Variants in SMG6 observed in about 807,000 individuals in gnomAD.
SMG6 encodes the protein SMG6 nonsense mediated mRNA decay factor, also known as telomerase-binding protein EST1A.
In SMG6, 66 loss-of-function variants were observed where a neutral mutation model predicts 142.2. That is an observed-to-expected ratio of 0.46 (90% CI 0.38 to 0.57). The LOEUF (loss-of-function observed/expected upper bound fraction) is 0.57, where lower values mean the gene tolerates loss of function less well. Among genes scored for constraint, SMG6 ranks in the 20% least tolerant of loss-of-function variants. SMG6 has a pLI of 0.00. For synonymous variants in SMG6, 779 were observed against 702.4 expected (o/e 1.11, Z -1.72); for missense variants, 1,793 against 1,832.0 (o/e 0.98, Z 0.39).
chr17:2,120,424 A>AT (rs2151516399), intron 13 of SMG6, among the ~76,000 whole-genome samples: 1 of 152,370 alleles, frequency 6.6e-6, no homozygotes, highest in South Asian at 2.1e-4. Context: ...GTCAGTAAGC[A>AT]TATGAAAAAG....
intron 10 of SMG6, among the ~76,000 whole-genome samples, chr17:2,234,855 C>T (rs1380904777): frequency 2.0e-5 from 3 of 152,162 alleles, no homozygotes; most frequent in Non-Finnish European, 4.4e-5. Flanking sequence ...TACAGGTGCC[C>T]ACCACCAAGC....
At chr17:2,152,365 C>T (rs76548545) in intron 13 of SMG6, among the ~76,000 whole-genome samples, 3 of 152,336 alleles carry the variant, frequency 2.0e-5, no homozygotes, top group Non-Finnish European at 4.4e-5. Flanking sequence ...GTGAACCCTT[C>T]AGCTCTCAGC....
At chr17:2,074,474 G>T (rs1310808498) in intron 15 of SMG6, among the ~76,000 whole-genome samples, 1 of 152,160 alleles carries the variant, frequency 6.6e-6, no homozygotes, top group East Asian at 1.9e-4. Context: ...TTCATTTGGG[G>T]TACACTGCAA....
chr17:2,152,069 C>A (rs1462132102), intron 13 of SMG6, among the ~76,000 whole-genome samples: 1 of 152,212 alleles, frequency 6.6e-6, no homozygotes, highest in African/African-American at 2.4e-5. Context: ...CCTGACCTCT[C>A]GGGTATTCTG....
intron 18 of SMG6, chr17:2,062,215 CCTG>C (rs1244442332): frequency 6.6e-6 from 1 of 152,578 alleles, no homozygotes; most frequent in African/African-American, 2.4e-5. Flanking sequence ...ACCGGTCGCC[CCTG>C]CTAAGTAACA....
intron 15 of SMG6, among the ~76,000 whole-genome samples, chr17:2,080,874 A>C (rs1843515625): frequency 6.6e-6 from 1 of 152,090 alleles, no homozygotes; most frequent in South Asian, 2.1e-4. Flanking sequence ...TGACCTCATG[A>C]TCCGCCCGCC....
intron 8 of SMG6, chr17:2,266,184 A>C (rs2151345528): frequency 1.0e-6 from 1 of 985,378 alleles, no homozygotes; most frequent in African/African-American, 1.7e-5. Context: ...GGAAATTCTG[A>C]CGGGTATCTG....
At chr17:2,252,991 T>C (rs216224) in intron 8 of SMG6, among the ~76,000 whole-genome samples, 40,971 of 151,912 alleles carry the variant, frequency 0.27, 5,996 homozygotes, top group East Asian at 0.58. Context: ...TTTCCATAAA[T>C]AAAATTCTGT....
At chr17:2,296,497 A>G (rs1383879066) in intron 4 of SMG6, among the ~76,000 whole-genome samples, 3 of 152,186 alleles carry the variant, frequency 2.0e-5, no homozygotes, top group African/African-American at 7.2e-5. Context: ...CTCTGGTCTG[A>G]GCGGTGGGCA....
In SMG6 at chr17:2,236,701, T is replaced by TCTCTCACA. The variant is rs1161732926; in HGVS notation, c.2724-65_2724-64insTGTGAGAG. ...CTTTCAGTCTCTCTCTCACTCTGTC[T>TCTCTCACA]CACACACACACACACACACACACAC... On this transcript the variant is annotated intron_variant, in intron 9 of 18. Transcript: ENST00000263073. 51 of 959,038 alleles carry TCTCTCACA rather than the reference T, an allele frequency of 5.3e-5. No homozygotes were observed. In the African/African-American group the frequency reaches 8.6e-4, roughly 16 times the overall value. The allele number at this position is 959,038 out of a possible 1,614,324, so 59.4% of individuals were successfully genotyped here.
chr17:2,228,959 G>A (rs904312766), intron 10 of SMG6, among the ~76,000 whole-genome samples: 6 of 151,844 alleles, frequency 4.0e-5, no homozygotes, highest in African/African-American at 1.2e-4. Context: ...TTCCCCCCAG[G>A]CCACAAAAAG....
chr17:2,256,365 C>T (rs2151324250), intron 8 of SMG6, among the ~76,000 whole-genome samples: 1 of 152,178 alleles, frequency 6.6e-6, no homozygotes, highest in South Asian at 2.1e-4. Context: ...TGTCATTCCA[C>T]ACTTGGACAA....
Position 2,282,875 on chromosome 17 carries a change from A to T in SMG6, c.2449-16T>A. ...TCTGTTCTGCCTATATAACATACAA[A>T]CACATTAGCTCATGGCCTGGTGTGG... On this transcript the variant is annotated splice_polypyrimidine_tract_variant and intron_variant, in intron 7 of 18. Coordinates refer to ENST00000263073, the MANE Select transcript of SMG6 (RefSeq NM_017575.5). 6.2e-7 allele frequency: 1 copy of T among 1,613,028 alleles called. No individual in the cohort carries two copies. Among genetic ancestry groups the T allele is most frequent in the Non-Finnish European group, 8.5e-7 (1 of 1,179,100 alleles).
chr17:2,140,218 A>G (rs115456319), intron 13 of SMG6, among the ~76,000 whole-genome samples: 5,234 of 152,104 alleles, frequency 0.034, 268 homozygotes, highest in African/African-American at 0.12. Context: ...ATGTGCAACC[A>G]TGCCCAACTA....
chr17:2,262,413 G>A lies in SMG6; in HGVS notation c.2662-17694C>T, dbSNP rs2151336225. Among the ~76,000 whole-genome samples, 4 of 152,316 alleles carry A rather than the reference G, an allele frequency of 2.6e-5. No homozygotes were observed. In the Middle Eastern group the frequency reaches 0.014, roughly 518 times the overall value. On this transcript the variant is annotated intron_variant, in intron 8 of 18. Coordinates refer to ENST00000263073, the MANE Select transcript of SMG6 (RefSeq NM_017575.5). ...TTGTGATGAATCTTCAGTTCCAACT[G>A]AGTGATCAGACAGCACCAATGTGGA... is the stretch of plus-strand genomic sequence containing the variant.
chr17:2,233,984 C>T (rs1222806736), intron 10 of SMG6, among the ~76,000 whole-genome samples: 3 of 152,202 alleles, frequency 2.0e-5, no homozygotes, highest in Non-Finnish European at 2.9e-5. Context: ...AGCCTCTGAA[C>T]ACCTCAACCC....
At chr17:2,151,678 T>C (rs2070829544) in intron 13 of SMG6, among the ~76,000 whole-genome samples, 2 of 152,232 alleles carry the variant, frequency 1.3e-5, no homozygotes, top group Non-Finnish European at 1.5e-5. Context: ...GGATCAGCAA[T>C]TAAAAAGTGA....
rs2067767895 is a variant in SMG6 at position 2,061,344 on chromosome 17, A to G, written c.*148T>C. On this transcript the variant is annotated 3_prime_UTR_variant, in exon 19 of 19. Transcript: ENST00000263073. ...GCTCTGTGAGGAGCAGGTCCCCCAC[A>G]GCATGGCCGTGGCGTGGGTTGGAAG... 4 of 775,172 alleles carry G rather than the reference A, an allele frequency of 5.2e-6. No homozygotes were observed. The highest frequency in any genetic ancestry group is 8.1e-6 in the Non-Finnish European group (4 of 493,884). 48.0% of individuals were successfully genotyped at this position (775,172 alleles called of 1,614,324 possible).
At chr17:2,063,895 C>T (rs1240997492) in intron 18 of SMG6, among the ~76,000 whole-genome samples, 1 of 152,172 alleles carries the variant, frequency 6.6e-6, no homozygotes, top group African/African-American at 2.4e-5. Flanking sequence ...CAGAACATAA[C>T]CTCCTCTGTT....
Sources: gnomAD v4.1 joint callset for allele counts (sites outside exome capture counted in the v4.1 genomes callset) on GRCh38, gnomAD v4.1.1 for gene constraint, MANE v1.5 for transcripts, NCBI Gene and HGNC (gene_info 2026-07-23, HGNC 2026-07-21) for gene names.